The following YAP1 variants were observed in gnomAD, a reference collection of about 807,000 sequenced individuals.
YAP1 encodes the protein transcriptional coactivator YAP1.
YAP1 carries 5 observed loss-of-function variants against 56.9 expected under a neutral mutation model. The ratio of observed to expected loss-of-function variants is 0.09; its 90% confidence interval spans 0.05 to 0.18. The LOEUF (loss-of-function observed/expected upper bound fraction) is 0.18. Among genes scored for constraint, YAP1 ranks in the 10% least tolerant of loss-of-function variants. The pLI is 1.00. For synonymous variants in YAP1, 265 were observed against 248.1 expected, an observed-to-expected ratio of 1.07 and a Z score of -0.64; for missense variants, 539 against 651.8, an observed-to-expected ratio of 0.83 and a Z score of 1.88.
In YAP1 at chr11:102,110,860, G is replaced by C; in HGVS notation, c.12G>C (p.Gly4=). The change falls in exon 1 of 9, where the codon GGG becomes GGC. Residue 4 remains glycine (G), a synonymous_variant. Coordinates refer to ENST00000282441, the MANE Select transcript of YAP1 (RefSeq NM_001130145.3). ...GGGAGGCAGAAGCCATGGATCCCGG[G>C]CAGCAGCCGCCGCCTCAACCGGCCC... is the stretch of plus-strand genomic sequence containing the variant. MDP[G]QQPPPQPAPQ... The C allele has an allele frequency of 8.5e-6, 12 of 1,413,440 alleles. No homozygotes were observed. The highest frequency in any genetic ancestry group is 1.1e-5 in the Non-Finnish European group (12 of 1,082,528). The allele number at this position is 1,413,440 out of a possible 1,614,324, so 87.6% of individuals were successfully genotyped here.
chr11:102,134,293 A>G (rs1203232823), intron 2 of YAP1, among the ~76,000 whole-genome samples: 2 of 152,052 alleles, frequency 1.3e-5, no homozygotes. Flanking sequence ...CCTTATTATC[A>G]TACTTAATCT....
At chr11:102,179,726 G>T (rs142812723) in intron 3 of YAP1, among the ~76,000 whole-genome samples, 1 of 151,336 alleles carries the variant, frequency 6.6e-6, no homozygotes, top group African/African-American at 2.4e-5. Flanking sequence ...TTTGCTGCAC[G>T]TATCATTAGC....
At chr11:102,181,394 C>T (rs996648122) in intron 3 of YAP1, among the ~76,000 whole-genome samples, 13 of 151,928 alleles carry the variant, frequency 8.6e-5, no homozygotes, top group South Asian at 2.1e-4. Flanking sequence ...TGCAGTGAGC[C>T]GAGATTGCGC....
At chr11:102,179,997 A>G (rs955449744) in intron 3 of YAP1, among the ~76,000 whole-genome samples, 4 of 139,038 alleles carry the variant, frequency 2.9e-5, no homozygotes, top group Non-Finnish European at 6.1e-5. Flanking sequence ...TTCAGCCAAC[A>G]TTTATTCTAT....
chr11:102,122,652 G>A lies in YAP1; in HGVS notation c.572+8258G>A, dbSNP rs138841291. Reference sequence around the variant, plus strand: ...CTCACGCCTGTAATCCCAGCACTTCGGAAGGCCAAGGCGGGCGGATCACCT... The same window carrying A: ...CTCACGCCTGTAATCCCAGCACTTCAGAAGGCCAAGGCGGGCGGATCACCT... On this transcript the variant is annotated intron_variant, in intron 2 of 8. Coordinates refer to ENST00000282441, the MANE Select transcript of YAP1 (RefSeq NM_001130145.3). Among the ~76,000 whole-genome samples the A allele has an allele frequency of 6.1e-3, 931 of 152,100 alleles. 8 individuals are homozygous for A. Among genetic ancestry groups the A allele is most frequent in the Middle Eastern group, 0.027 (8 of 294 alleles).
intron 8 of YAP1, among the ~76,000 whole-genome samples, chr11:102,228,926 C>T (rs1185989039): frequency 1.3e-5 from 2 of 152,172 alleles, no homozygotes; most frequent in East Asian, 3.8e-4. Context: ...CACACTACCC[C>T]TCCTCTCTGA....
intron 2 of YAP1, among the ~76,000 whole-genome samples, chr11:102,154,760 T>G (rs1256460464): frequency 6.6e-6 from 1 of 152,212 alleles, no homozygotes; most frequent in Non-Finnish European, 1.5e-5. Context: ...TTACTTACTT[T>G]AAATTACTTT....
intron 2 of YAP1, among the ~76,000 whole-genome samples, chr11:102,119,686 CT>C (rs936782124): frequency 2.0e-5 from 3 of 149,414 alleles, no homozygotes; most frequent in African/African-American, 7.4e-5. Context: ...AATAAGTCCT[CT>C]TTAGTTATGT....
intron 2 of YAP1, 70 bp from the exon 3 acceptor site, chr11:102,162,386 G>A: frequency 7.4e-7 from 1 of 1,346,094 alleles, no homozygotes; most frequent in East Asian, 2.3e-5. Flanking sequence ...TTGATTATGA[G>A]CCCACAAGAT....
chr11:102,112,678 C>G (rs746054587), intron 1 of YAP1: 14 of 985,098 alleles, frequency 1.4e-5, no homozygotes, highest in Non-Finnish European at 1.7e-5. Context: ...GACAAAAACC[C>G]GGGTTAAGGA....
intron 3 of YAP1, among the ~76,000 whole-genome samples, chr11:102,181,072 A>T (rs905125756): frequency 6.6e-6 from 1 of 151,072 alleles, no homozygotes; most frequent in African/African-American, 2.4e-5. Context: ...ACTTGAGCCC[A>T]GGAGTCCAAG....
Position 102,157,987 on chromosome 11 carries a change from G to A in YAP1, c.573-4469G>A, listed in dbSNP as rs544176623. On this transcript the variant is annotated intron_variant, in intron 2 of 8. Transcript: ENST00000282441. The stretch of plus-strand genomic sequence containing the variant: ...TCCATAAAAAGCTTCTATTTATAAC[G>A]TTTGTAGATTATATTAAATTCCTAA... Among the ~76,000 whole-genome samples, 40 of 152,130 alleles carry A rather than the reference G, an allele frequency of 2.6e-4. No homozygotes were observed. The South Asian group carries it at 8.1e-3, about 31-fold the overall frequency.
rs566555247 is a variant in YAP1 at position 102,136,668 on chromosome 11, G to A, written c.572+22274G>A. On this transcript the variant is annotated intron_variant, in intron 2 of 8. Coordinates refer to ENST00000282441, the MANE Select transcript of YAP1 (RefSeq NM_001130145.3). ...GCACCGGGCTCATTTTTCTATATTC[G>A]AAAAGTTTCATATATATGTCTTTAA... Among the ~76,000 whole-genome samples, 4 of 152,080 alleles carry A rather than the reference G, an allele frequency of 2.6e-5. No individual in the cohort carries two copies. In the East Asian group the frequency reaches 5.8e-4, roughly 22 times the overall value.
chr11:102,195,421 T>G (rs889458574), intron 4 of YAP1, among the ~76,000 whole-genome samples: 1 of 152,200 alleles, frequency 6.6e-6, no homozygotes, highest in East Asian at 1.9e-4. Context: ...GCTAAAGATG[T>G]GAAAACTTTA....
chr11:102,157,770 A>G (rs559086384), intron 2 of YAP1, among the ~76,000 whole-genome samples: 56 of 152,210 alleles, frequency 3.7e-4, no homozygotes, highest in Middle Eastern at 3.4e-3. Flanking sequence ...CATTTTTGTC[A>G]TGTTATCTTT....
At chr11:102,191,042 A>G (rs1948250902) in intron 4 of YAP1, among the ~76,000 whole-genome samples, 1 of 151,902 alleles carries the variant, frequency 6.6e-6, no homozygotes, top group Non-Finnish European at 1.5e-5. Context: ...GGCTGGTGGC[A>G]CGCACCTATA....
chr11:102,175,527 A>G (rs1384147458), intron 3 of YAP1, among the ~76,000 whole-genome samples: 1 of 152,224 alleles, frequency 6.6e-6, no homozygotes, highest in Non-Finnish European at 1.5e-5. Context: ...ATAGTCATGT[A>G]TTGCTTAATG....
At chr11:102,156,986 C>CTA (rs1945990502) in intron 2 of YAP1, among the ~76,000 whole-genome samples, 1 of 152,146 alleles carries the variant, frequency 6.6e-6, no homozygotes, top group Non-Finnish European at 1.5e-5. Context: ...AAACCTAAAG[C>CTA]TATAGGGTCA....
chr11:102,162,561 C>A lies in YAP1; in HGVS notation c.678C>A (p.Asn226Lys). The A allele has an allele frequency of 6.2e-7, 1 of 1,614,148 alleles. No homozygotes were observed. The highest frequency in any genetic ancestry group is 1.6e-4 in the Middle Eastern group (1 of 6,062). ...TSPPVQQNMM[N>K]SASGPLPDGW... ...CACCAGTGCAGCAGAATATGATGAACTCGGCTTCAGGTGAGTGAGACACTG... is the reference window on the plus strand; with the variant it reads ...CACCAGTGCAGCAGAATATGATGAAATCGGCTTCAGGTGAGTGAGACACTG... The change falls in exon 3 of 9, where the codon AAC (asparagine) becomes AAA (lysine). Residue 226 changes from asparagine (N) to lysine (K), a missense_variant. Asn to Lys is a moderately conservative substitution (Grantham distance 94). Transcript: ENST00000282441.
Sources: allele counts gnomAD v4.1 joint callset (sites outside exome capture counted in the v4.1 genomes callset), GRCh38; gene constraint gnomAD v4.1.1; transcripts MANE v1.5; gene names NCBI Gene and HGNC (gene_info 2026-07-23, HGNC 2026-07-21).